Variants in DSE observed in about 807,000 individuals in gnomAD.
DSE encodes dermatan-sulfate epimerase.
Under a neutral mutation model 84.4 loss-of-function variants are expected in DSE, and 36 were observed. That is an observed-to-expected ratio of 0.43 (90% CI 0.33 to 0.56). DSE has a LOEUF of 0.56. DSE is among the 20% of genes least tolerant of loss of function. The probability of loss-of-function intolerance (pLI) is 0.06; values close to 1 mark genes in which losing one functional copy is unlikely to be tolerated. For synonymous variants in DSE, 410 were observed against 430.1 expected (o/e 0.95, Z 0.58); for missense variants, 862 against 1,169.6 (o/e 0.74, Z 3.84).
intron 1 of DSE, among the ~76,000 whole-genome samples, chr6:116,397,333 A>T (rs1451419065): frequency 7.2e-6 from 1 of 138,064 alleles, no homozygotes; most frequent in African/African-American, 2.8e-5. Flanking sequence ...CAACCTCCCG[A>T]GTAGATGGGA....
Position 116,278,733 on chromosome 6 carries a change from G to T in DSE, c.-54+19766G>T, listed in dbSNP as rs140756663. The T allele has an allele frequency of 4.0e-3, 6,513 of 1,614,174 alleles. 20 individuals are homozygous for T. The highest frequency in any genetic ancestry group is 7.8e-3 in the South Asian group (715 of 91,086). ...AGATGAGGTCTTGGTTTCTGCGAAT[G>T]AAGGACTGGGGTTCATGCCCCCTGC... On this transcript the variant is annotated intron_variant, in intron 2 of 3. Coordinates refer to the DSE transcript ENST00000430252.
At chr6:116,426,193 T>G (rs947696414) in intron 2 of DSE, among the ~76,000 whole-genome samples, 1 of 152,200 alleles carries the variant, frequency 6.6e-6, no homozygotes, top group African/African-American at 2.4e-5. Context: ...GAGAGCATCT[T>G]ATTCAAGTGA....
intron 2 of DSE, among the ~76,000 whole-genome samples, chr6:116,264,848 C>T (rs1450985225): frequency 6.6e-6 from 1 of 152,180 alleles, no homozygotes; most frequent in Non-Finnish European, 1.5e-5. Context: ...GGCCAGCACT[C>T]AGCTCCCAAG....
At chr6:116,332,181 T>C (rs897145082) in intron 2 of DSE, among the ~76,000 whole-genome samples, 3 of 152,170 alleles carry the variant, frequency 2.0e-5, no homozygotes, top group African/African-American at 7.2e-5. Context: ...ATCAAAAATA[T>C]TTAAAACCTA....
intron 2 of DSE, among the ~76,000 whole-genome samples, chr6:116,321,458 G>A (rs1776316097): frequency 1.3e-5 from 2 of 151,332 alleles, no homozygotes; most frequent in Admixed American, 6.6e-5. Context: ...TGACAAGCAT[G>A]AGCTACTGCA....
In DSE at chr6:116,279,047, G is replaced by A. The variant is rs778929496; in HGVS notation, c.-54+20080G>A. The stretch of plus-strand genomic sequence containing the variant: ...TAGTTCCTCCGCTCCAGGTAGTGTC[G>A]ACGCATCCGCCCAAACTTGTGCTCC... On this transcript the variant is annotated intron_variant, in intron 2 of 3. Coordinates refer to the DSE transcript ENST00000430252. 2.5e-6 allele frequency: 4 copies of A among 1,613,126 alleles called. No individual in the cohort carries two copies. The African/African-American group carries it at 5.3e-5, about 22-fold the overall frequency.
At chr6:116,324,146 G>A (rs1409006564) in intron 2 of DSE, among the ~76,000 whole-genome samples, 1 of 152,084 alleles carries the variant, frequency 6.6e-6, no homozygotes, top group Non-Finnish European at 1.5e-5. Flanking sequence ...ATTAACATGT[G>A]GGAAACACAA....
Position 116,426,606 on chromosome 6 carries a change from C to T in DSE, c.449C>T (p.Pro150Leu), listed in dbSNP as rs1485400253. Residue 150 changes from proline (P) to leucine (L), a missense_variant, in exon 3 of 6, where the codon CCG (proline) becomes CTG (leucine). Coordinates refer to ENST00000644252, the MANE Select transcript of DSE (RefSeq NM_013352.4). ...LVKDAPWDEV[P>L]LAHSLVGFAT... The stretch of plus-strand genomic sequence containing the variant: ...AAAGATGCTCCTTGGGATGAGGTCC[C>T]GCTTGCTCACTCCCTGGTTGGTTTT... The T allele has an allele frequency of 2.5e-6, 4 of 1,613,728 alleles. No homozygotes were observed. The highest frequency in any genetic ancestry group is 1.3e-5 in the African/African-American group (1 of 74,864).
chr6:116,426,480 T>C (rs1320344970), intron 2 of DSE, 94 bp from the exon 3 acceptor site: 3 of 1,499,316 alleles, frequency 2.0e-6, no homozygotes, highest in African/African-American at 2.8e-5. Flanking sequence ...TATCTTCAAG[T>C]GTGCCCTTTA....
intron 2 of DSE, among the ~76,000 whole-genome samples, chr6:116,417,148 A>C (rs1427019548): frequency 1.3e-5 from 2 of 152,216 alleles, no homozygotes; most frequent in Non-Finnish European, 2.9e-5. Flanking sequence ...AATAATTTTT[A>C]CTTATCATGT....
intron 2 of DSE, chr6:116,276,801 T>C (rs1773163808): frequency 6.6e-6 from 1 of 152,208 alleles, no homozygotes; most frequent in Admixed American, 6.5e-5. Context: ...CACTTCCAAT[T>C]TGTCAGAGCA....
chr6:116,300,510 TA>T (rs1166826914), intron 2 of DSE, among the ~76,000 whole-genome samples: 1 of 152,216 alleles, frequency 6.6e-6, no homozygotes, highest in Non-Finnish European at 1.5e-5. Context: ...GGACTATGCA[TA>T]ATATTTGGTA....
chr6:116,418,447 C>T (rs1000811775), intron 2 of DSE, among the ~76,000 whole-genome samples: 1 of 152,192 alleles, frequency 6.6e-6, no homozygotes, highest in Non-Finnish European at 1.5e-5. Context: ...TAGAGTAGTA[C>T]ATTAGGTGTG....
rs2115099865 is a variant in DSE at position 116,437,258 on chromosome 6, T to C, written c.2790T>C (p.His930=). ...ATTTCCAGAGGGCCCAGAGCCTACA[T>C]GGCCAAAGATGTCTTTATGCAGTTC... ...LTYFQRAQSL[H]GQRCLYAVLL... is the part of the protein sequence containing the mutation. The change falls in exon 6 of 6, where the codon CAT becomes CAC. Residue 930 remains histidine, a synonymous_variant. Coordinates refer to ENST00000644252, the MANE Select transcript of DSE (RefSeq NM_013352.4). 1 of 1,614,122 alleles carries C rather than the reference T, an allele frequency of 6.2e-7. No individual in the cohort carries two copies. Among genetic ancestry groups the C allele is most frequent in the Non-Finnish European group, 8.5e-7 (1 of 1,180,000 alleles).
At chr6:116,272,527 A>G (rs1341962704) in intron 2 of DSE, among the ~76,000 whole-genome samples, 1 of 152,246 alleles carries the variant, frequency 6.6e-6, no homozygotes, top group Non-Finnish European at 1.5e-5. Context: ...TGAAATAGAT[A>G]TACTGAAACT....
At chr6:116,366,408 T>C (rs1465842539), upstream of DSE, 9 of 152,256 alleles carry the variant, frequency 5.9e-5, no homozygotes, top group Non-Finnish European at 1.5e-5. Flanking sequence ...AAGAAGAGTC[T>C]CTACCATGAA....
At chr6:116,311,374 A>C (rs1775685703) in intron 2 of DSE, among the ~76,000 whole-genome samples, 1 of 152,228 alleles carries the variant, frequency 6.6e-6, no homozygotes, top group Non-Finnish European at 1.5e-5. Context: ...CAGAACAATC[A>C]GTGAAATATA....
chr6:116,372,445 G>A (rs1583116328), intron 1 of DSE, among the ~76,000 whole-genome samples: 1 of 152,202 alleles, frequency 6.6e-6, no homozygotes, highest in Non-Finnish European at 1.5e-5. Flanking sequence ...TCCAGCCTGG[G>A]CGACAGGCTC....
intron 3 of DSE, among the ~76,000 whole-genome samples, chr6:116,427,960 G>T (rs946969550): frequency 6.6e-6 from 1 of 152,198 alleles, no homozygotes; most frequent in Non-Finnish European, 1.5e-5. Flanking sequence ...AGGCCAAAGC[G>T]GGCGGATCAC....
Sources: gnomAD v4.1 joint callset for allele counts (sites outside exome capture counted in the v4.1 genomes callset) on GRCh38, gnomAD v4.1.1 for gene constraint, MANE v1.5 for transcripts, NCBI Gene and HGNC (gene_info 2026-07-23, HGNC 2026-07-21) for gene names.